Variants in PROS1 observed in about 807,000 individuals in gnomAD.
PROS1 encodes the protein vitamin K-dependent protein S.
A neutral mutation model predicts 75.9 loss-of-function variants in PROS1; 29 were observed. The ratio of observed to expected loss-of-function variants is 0.38; its 90% CI spans 0.28 to 0.52. The LOEUF (loss-of-function observed/expected upper bound fraction) is 0.52. PROS1 is among the 20% of genes least tolerant of loss of function. The pLI is 0.83. For synonymous variants in PROS1, 245 were observed against 280.6 expected (o/e 0.87, Z 1.27); for missense variants, 680 against 810.3 (o/e 0.84, Z 1.95).
chr3:93,893,351 A>C (rs963066848), intron 9 of PROS1, among the ~76,000 whole-genome samples: 1 of 152,136 alleles, frequency 6.6e-6, no homozygotes, highest in Non-Finnish European at 1.5e-5. Flanking sequence ...TATTCTTGGA[A>C]TCTTTTCCCC....
intron 1 of PROS1, among the ~76,000 whole-genome samples, chr3:93,933,971 T>C (rs1709144355): frequency 6.9e-6 from 1 of 145,470 alleles, no homozygotes; most frequent in Non-Finnish European, 1.5e-5. Context: ...ATCGTGCTGC[T>C]GCACTCCAGC....
intron 1 of PROS1, among the ~76,000 whole-genome samples, chr3:93,950,138 C>G (rs997979575): frequency 6.6e-6 from 1 of 152,168 alleles, no homozygotes; most frequent in Non-Finnish European, 1.5e-5. Context: ...TGGGGGGAAG[C>G]GCGTCTGCCA....
At chr3:93,959,075 C>T (rs1006069345) in intron 1 of PROS1, among the ~76,000 whole-genome samples, 1 of 152,064 alleles carries the variant, frequency 6.6e-6, no homozygotes, top group African/African-American at 2.4e-5. Flanking sequence ...TGCAGTGGCT[C>T]ACATCTGTAA....
chr3:93,899,955 T>C (rs1177267305), intron 7 of PROS1, among the ~76,000 whole-genome samples: 1 of 152,196 alleles, frequency 6.6e-6, no homozygotes, highest in Non-Finnish European at 1.5e-5. Context: ...TTGTAGCCCC[T>C]AAATCTATTT....
intron 1 of PROS1, among the ~76,000 whole-genome samples, chr3:93,931,289 G>A (rs544983965): frequency 6.6e-6 from 1 of 152,146 alleles, no homozygotes; most frequent in African/African-American, 2.4e-5. Context: ...CTACTCAAAT[G>A]TCCATGATGT....
chr3:93,914,776 C>T (rs754662620), intron 3 of PROS1, among the ~76,000 whole-genome samples: 3 of 152,106 alleles, frequency 2.0e-5, no homozygotes, highest in Non-Finnish European at 4.4e-5. Flanking sequence ...ATCCATTACC[C>T]AAGCAGTGTA....
chr3:93,959,783 C>A lies in PROS1; in HGVS notation c.76+13891G>T, dbSNP rs367709327. On this transcript the variant is annotated intron_variant, in intron 1 of 14. Transcript: ENST00000394236. ...GGGACTTCACTTTCCAAAACTCAAG[C>A]TTCTTTTCAAGGTAATTTCTAATGT... Among the ~76,000 whole-genome samples the A allele has an allele frequency of 2.6e-5, 4 of 152,208 alleles. No homozygotes were observed. The East Asian group carries it at 7.7e-4, about 29-fold the overall frequency.
chr3:93,971,627 CCACACA>C lies in PROS1; in HGVS notation c.76+2041_76+2046del, dbSNP rs748664337. Among the ~76,000 whole-genome samples, 570 of 124,446 alleles carry C rather than the reference CCACACA, an allele frequency of 4.6e-3. 2 individuals are homozygous for C. Among genetic ancestry groups the C allele is most frequent in the Admixed American group, 8.3e-3 (99 of 11,890 alleles). The allele number at this position is 124,446 out of a possible 152,430, so 81.6% of individuals were successfully genotyped here. On this transcript the variant is annotated intron_variant, in intron 1 of 14. Transcript: ENST00000394236. ...CCAAAAAAACAAAACAAAATAAAAA[CCACACA>C]CACACACACACACACACACACACAC... is the stretch of plus-strand genomic sequence containing the variant.
At chr3:93,939,562 G>C (rs1709247705) in intron 1 of PROS1, among the ~76,000 whole-genome samples, 1 of 152,082 alleles carries the variant, frequency 6.6e-6, no homozygotes, top group Non-Finnish European at 1.5e-5. Flanking sequence ...TTCATTCTGA[G>C]ACTAGCCCTC....
intron 11 of PROS1, among the ~76,000 whole-genome samples, chr3:93,885,369 G>T (rs998628561): frequency 2.0e-5 from 3 of 152,130 alleles, no homozygotes; most frequent in African/African-American, 7.2e-5. Flanking sequence ...GGGATTACAG[G>T]TGCCCACCAC....
At chr3:93,948,568 C>T (rs1302463209) in intron 1 of PROS1, among the ~76,000 whole-genome samples, 1 of 152,110 alleles carries the variant, frequency 6.6e-6, no homozygotes, top group Admixed American at 6.6e-5. Flanking sequence ...AGCCAATAAA[C>T]ATATGATGTA....
At chr3:93,927,743 C>A (rs1353626190) in intron 1 of PROS1, among the ~76,000 whole-genome samples, 1 of 150,656 alleles carries the variant, frequency 6.6e-6, no homozygotes, top group Non-Finnish European at 1.5e-5. Flanking sequence ...GGCTCACCTT[C>A]GTAATCCCAG....
intron 1 of PROS1, among the ~76,000 whole-genome samples, chr3:93,972,684 CAA>C (rs372602802): frequency 1.7e-3 from 195 of 112,040 alleles, no homozygotes; most frequent in African/African-American, 4.2e-3. Flanking sequence ...AGTAAAAATA[CAA>C]AAAAAAAAAA....
At chr3:93,969,098 T>A (rs928777975) in intron 1 of PROS1, among the ~76,000 whole-genome samples, 48 of 151,920 alleles carry the variant, frequency 3.2e-4, no homozygotes, top group African/African-American at 1.1e-3. Flanking sequence ...CCTTGCCTGT[T>A]TTTTTTGTTT....
intron 3 of PROS1, among the ~76,000 whole-genome samples, chr3:93,921,326 C>A (rs747997063): frequency 6.6e-6 from 1 of 152,064 alleles, no homozygotes; most frequent in Non-Finnish European, 1.5e-5. Context: ...TTTTTCTTTT[C>A]TTTTATTCCC....
At chr3:93,887,782 G>A (rs1708371675) in intron 10 of PROS1, among the ~76,000 whole-genome samples, 1 of 152,084 alleles carries the variant, frequency 6.6e-6, no homozygotes, top group Non-Finnish European at 1.5e-5. Flanking sequence ...CCACAGCTCA[G>A]GCCCCAGACC....
chr3:93,890,730 A>T (rs1260734581), intron 10 of PROS1, among the ~76,000 whole-genome samples: 1 of 152,214 alleles, frequency 6.6e-6, no homozygotes, highest in East Asian at 1.9e-4. Flanking sequence ...GCACTCACTA[A>T]AAGCTTACTG....
chr3:93,952,511 A>G (rs1709519238), intron 1 of PROS1, among the ~76,000 whole-genome samples: 1 of 152,198 alleles, frequency 6.6e-6, no homozygotes, highest in African/African-American at 2.4e-5. Flanking sequence ...GCAGAAATAA[A>G]GATGTTCTTT....
At chr3:93,875,964 A>G (rs1428415881) in intron 14 of PROS1, among the ~76,000 whole-genome samples, 1 of 152,158 alleles carries the variant, frequency 6.6e-6, no homozygotes, top group Admixed American at 6.5e-5. Context: ...TTAAAGATGA[A>G]TCTGTTTTTC....
Sources: allele counts gnomAD v4.1 joint callset (sites outside exome capture counted in the v4.1 genomes callset), GRCh38; gene constraint gnomAD v4.1.1; transcripts MANE v1.5; gene names NCBI Gene and HGNC (gene_info 2026-07-23, HGNC 2026-07-21).